Variants in DCLRE1A observed in about 807,000 individuals in gnomAD.
DCLRE1A encodes DNA cross-link repair 1A protein.
In DCLRE1A, 64 loss-of-function variants were observed where a neutral mutation model predicts 91.9. That is an observed-to-expected ratio of 0.70 (90% confidence interval 0.57 to 0.86). The LOEUF (loss-of-function observed/expected upper bound fraction) is 0.86, where lower values mean the gene tolerates loss of function less well. Among genes scored for constraint, DCLRE1A ranks in the 40% least tolerant of loss-of-function variants. The pLI is 0.00. For synonymous variants in DCLRE1A, 416 were observed against 431.1 expected, an observed-to-expected ratio of 0.96 and a Z score of 0.43; for missense variants, 1,145 against 1,213.3, an observed-to-expected ratio of 0.94 and a Z score of 0.84.
intron 6 of DCLRE1A, among the ~76,000 whole-genome samples, 198 bp downstream of exon 6, chr10:113,842,145 T>A (rs1395482458): frequency 6.6e-6 from 1 of 152,220 alleles, no homozygotes; most frequent in Non-Finnish European, 1.5e-5. Context: ...AACACAATTA[T>A]CAAATGTTTC....
intron 2 of DCLRE1A, among the ~76,000 whole-genome samples, 180 bp from the exon 3 acceptor site, chr10:113,847,515 T>G (rs944580204): frequency 3.9e-5 from 6 of 152,246 alleles, no homozygotes; most frequent in Non-Finnish European, 8.8e-5. Context: ...TCTTAAAAGT[T>G]TCTACCAAGT....
chr10:113,835,270 C>G lies in DCLRE1A; in HGVS notation c.3005G>C (p.Arg1002Pro). The G allele has an allele frequency of 1.2e-6, 2 of 1,613,598 alleles. No individual in the cohort carries two copies. Among genetic ancestry groups the G allele is most frequent in the Non-Finnish European group, 1.7e-6 (2 of 1,179,832 alleles). ...SEHSSYLEMKRFVQWLKPQKI... is the reference protein window; with the variant it reads ...SEHSSYLEMKPFVQWLKPQKI... ...CTGGGGCTTCAGCCACTGGACAAAG[C>G]GCTTCATTTCTAGGTAGCTGCTGTG... The change falls in exon 9 of 9, where the codon CGC becomes CCC. Residue 1002 changes from arginine (R) to proline (P), a missense_variant. By Grantham distance (103) the Arg-to-Pro change is moderately radical. Coordinates refer to ENST00000361384, the MANE Select transcript of DCLRE1A (RefSeq NM_014881.5).
intron 1 of DCLRE1A, among the ~76,000 whole-genome samples, 196 bp from the exon 2 acceptor site, chr10:113,850,840 G>A (rs1845638204): frequency 6.6e-6 from 1 of 152,088 alleles, no homozygotes; most frequent in South Asian, 2.1e-4. Flanking sequence ...TAGAATTTGA[G>A]AAATTGGTTA....
At chr10:113,837,418 G>C (rs768420331) in intron 7 of DCLRE1A, among the ~76,000 whole-genome samples, 3 of 151,782 alleles carry the variant, frequency 2.0e-5, no homozygotes, top group Non-Finnish European at 4.4e-5. Flanking sequence ...AACAAGTACA[G>C]TCTGGAAAAA....
In DCLRE1A at chr10:113,835,248, G is replaced by A; in HGVS notation, c.3027C>T (p.Pro1009=). ...CATTTACAGTAGGTATGATTTTCTG[G>A]GGCTTCAGCCACTGGACAAAGCGCT... is the stretch of plus-strand genomic sequence containing the variant. ...EMKRFVQWLK[P]QKIIPTVNVG... The change falls in exon 9 of 9, where the codon CCC becomes CCT. Residue 1009 remains proline (P), a synonymous_variant. Transcript: ENST00000361384. The A allele has an allele frequency of 6.2e-7, 1 of 1,613,960 alleles. No homozygotes were observed. The highest frequency in any genetic ancestry group is 8.5e-7 in the Non-Finnish European group (1 of 1,179,980).
chr10:113,841,369 T>A, intron 7 of DCLRE1A, 37 bp downstream of exon 7: 1 of 1,594,240 alleles, frequency 6.3e-7, no homozygotes, highest in Non-Finnish European at 8.5e-7. Context: ...ATTACCTTTT[T>A]TGTTCATCCT....
chr10:113,836,748 A>C (rs995356477), intron 8 of DCLRE1A, among the ~76,000 whole-genome samples: 3 of 152,170 alleles, frequency 2.0e-5, no homozygotes, highest in Admixed American at 2.0e-4. Flanking sequence ...TCCCGCTCCC[A>C]ATCTCACATT....
rs1845458852 is a variant in DCLRE1A at position 113,842,383 on chromosome 10, G to T, written c.2625C>A (p.Val875=). ...CTTTTCCAATAGAGTAAGTGCCACA[G>T]ACAACAAGAGCATGTGGGTTTAGAG... ...AVTLNPHALV[V]CGTYSIGKEK... Residue 875 remains valine, a synonymous_variant, in exon 6 of 9, where the codon GTC becomes GTA. Transcript: ENST00000361384. 3.1e-6 allele frequency: 5 copies of T among 1,613,788 alleles called. No homozygotes were observed. The highest frequency in any genetic ancestry group is 4.2e-6 in the Non-Finnish European group (5 of 1,179,750).
chr10:113,835,256 G>A lies in DCLRE1A; in HGVS notation c.3019C>T (p.Leu1007=). 6.2e-7 allele frequency: 1 copy of A among 1,614,088 alleles called. No individual in the cohort carries two copies. ...GTAGGTATGATTTTCTGGGGCTTCA[G>A]CCACTGGACAAAGCGCTTCATTTCT... is the stretch of plus-strand genomic sequence containing the variant. The part of the protein sequence containing the change: ...YLEMKRFVQW[L]KPQKIIPTVN... The change falls in exon 9 of 9, where the codon CTG becomes TTG. Residue 1007 remains leucine (L), a synonymous_variant. Coordinates refer to ENST00000361384, the MANE Select transcript of DCLRE1A (RefSeq NM_014881.5).
chr10:113,843,970 T>A, intron 5 of DCLRE1A, 134 bp downstream of exon 5: 1 of 1,256,108 alleles, frequency 8.0e-7, no homozygotes, highest in Non-Finnish European at 1.1e-6. Flanking sequence ...TATATACATA[T>A]TTTTCAAACA....
rs772127361 is a variant in DCLRE1A, at chr10:113,852,856, G to A, written c.327C>T (p.His109=). ...GKLCRTQKSQ[H]VSPKIRPVYD... Reference sequence around the variant, plus strand: ...AAACTGGACGTATCTTTGGGGACACGTGTTGGCTTTTTTGAGTTCTACAGA... The same window carrying A: ...AAACTGGACGTATCTTTGGGGACACATGTTGGCTTTTTTGAGTTCTACAGA... Residue 109 remains histidine, a synonymous_variant, in exon 1 of 9, where the codon CAC becomes CAT. Coordinates refer to ENST00000361384, the MANE Select transcript of DCLRE1A (RefSeq NM_014881.5). 52 of 1,614,064 alleles carry A rather than the reference G, an allele frequency of 3.2e-5. No individual in the cohort carries two copies. Among genetic ancestry groups the A allele is most frequent in the Non-Finnish European group, 4.0e-5 (47 of 1,180,038 alleles).
At position 113,847,229 on chromosome 10, in the gene DCLRE1A, G is replaced by A; in HGVS notation, c.2232C>T (p.His744=). Residue 744 remains histidine, a synonymous_variant, in exon 3 of 9, where the codon CAC becomes CAT. Transcript: ENST00000361384. ...HSDHYAGLSK[H]FTFPVYCSEI... ...CACTACAATAAACTGGAAATGTGAAGTGTTTAGACAATCCAGCATAATGAT... is the reference window on the plus strand; with the variant it reads ...CACTACAATAAACTGGAAATGTGAAATGTTTAGACAATCCAGCATAATGAT... The A allele has an allele frequency of 6.2e-7, 1 of 1,612,012 alleles. No homozygotes were observed. Among genetic ancestry groups the A allele is most frequent in the South Asian group, 1.1e-5 (1 of 90,736 alleles).
intron 2 of DCLRE1A, among the ~76,000 whole-genome samples, chr10:113,848,527 A>C (rs1008350639): frequency 2.0e-5 from 3 of 152,218 alleles, no homozygotes; most frequent in Admixed American, 6.5e-5. Flanking sequence ...ACTAAGTTCT[A>C]ATACGGTTTT....
Position 113,835,065 on chromosome 10 carries a change from C to A in DCLRE1A, c.*87G>T. On this transcript the variant is annotated 3_prime_UTR_variant, in exon 9 of 9. Coordinates refer to ENST00000361384, the MANE Select transcript of DCLRE1A (RefSeq NM_014881.5). ...ACAATCTTCATGAGGTTTTTCCACA[C>A]AAAGTGTATTTCACATTTCTATAGA... 7.6e-7 allele frequency: 1 copy of A among 1,316,646 alleles called. No homozygotes were observed. Among genetic ancestry groups the A allele is most frequent in the Middle Eastern group, 2.1e-4 (1 of 4,696 alleles). 81.6% of individuals were successfully genotyped at this position (1,316,646 alleles called of 1,614,324 possible). A position where few individuals can be genotyped will look rare whatever the true frequency, so the allele number is the denominator to read the frequency against.
intron 4 of DCLRE1A, among the ~76,000 whole-genome samples, chr10:113,844,837 G>A (rs2134658738): frequency 6.6e-6 from 1 of 152,084 alleles, no homozygotes; most frequent in South Asian, 2.1e-4. Flanking sequence ...TTGGAAGGCT[G>A]AGGCAGGAGA....
chr10:113,842,319 A>T (rs757172349), intron 6 of DCLRE1A, 24 bp downstream of exon 6: 104 of 1,589,794 alleles, frequency 6.5e-5, no homozygotes, highest in Non-Finnish European at 8.3e-5. Flanking sequence ...ATATTAATGT[A>T]AATTAGATAC....
Position 113,849,053 on chromosome 10 carries a change from G to A in DCLRE1A, c.2052C>T (p.Asn684=), listed in dbSNP as rs780936230. ...KSAHGGLQRG[N]KKIPESSNVG... ...CATTAGATGACTCTGGGATTTTCTT[G>A]TTGCCCCTTTGCAGCCCACCATGAG... The change falls in exon 2 of 9, where the codon AAC becomes AAT. Residue 684 remains asparagine, a synonymous_variant. Transcript: ENST00000361384. 4 of 1,613,966 alleles carry A rather than the reference G, an allele frequency of 2.5e-6. No homozygotes were observed. Among genetic ancestry groups the A allele is most frequent in the Admixed American group, 1.7e-5 (1 of 60,010 alleles).
chr10:113,848,092 T>C (rs1845570052), intron 2 of DCLRE1A, among the ~76,000 whole-genome samples: 1 of 151,994 alleles, frequency 6.6e-6, no homozygotes, highest in South Asian at 2.1e-4. Context: ...GGCGGGCGGA[T>C]CACGAAGTCA....
At chr10:113,835,697 G>T (rs1353906307) in intron 8 of DCLRE1A, among the ~76,000 whole-genome samples, 2 of 152,160 alleles carry the variant, frequency 1.3e-5, no homozygotes, top group African/African-American at 4.8e-5. Context: ...CACTTTGGGA[G>T]GCCGAAGCGG....
Sources: allele counts gnomAD v4.1 joint callset (sites outside exome capture counted in the v4.1 genomes callset), GRCh38; gene constraint gnomAD v4.1.1; transcripts MANE v1.5; gene names NCBI Gene and HGNC (gene_info 2026-07-23, HGNC 2026-07-21).